The following CALN1 variants were observed in gnomAD, a reference collection of about 807,000 sequenced individuals.
The protein encoded by CALN1 is calneuron 1.
CALN1 carries 17 observed loss-of-function variants against 30.6 expected under a neutral mutation model. The observed-to-expected ratio is 0.56, with a 90% CI of 0.38 to 0.83. CALN1 has a LOEUF of 0.83. Ranked by LOEUF, CALN1 falls within the 40% of genes least tolerant of loss-of-function variation. The pLI, the probability that CALN1 is intolerant of heterozygous loss-of-function variation, is 0.00. For missense variants in CALN1, 291 were observed against 354.9 expected, an observed-to-expected ratio of 0.82 and a Z score of 1.45; for synonymous variants, 156 against 131.4, an observed-to-expected ratio of 1.19 and a Z score of -1.28.
intron 5 of CALN1, among the ~76,000 whole-genome samples, chr7:71,847,629 C>T (rs1232152730): frequency 2.7e-5 from 4 of 150,364 alleles, no homozygotes; most frequent in Admixed American, 1.3e-4. Context: ...TTGCAGTGAG[C>T]CAAGATTGCA....
intron 5 of CALN1, among the ~76,000 whole-genome samples, chr7:71,960,727 T>A (rs1322217072): frequency 6.6e-6 from 1 of 152,206 alleles, no homozygotes; most frequent in African/African-American, 2.4e-5. Context: ...AGATCTTTTT[T>A]AATAGTTATA....
At chr7:72,158,204 A>G (rs1011038063) in intron 3 of CALN1, among the ~76,000 whole-genome samples, 1 of 152,218 alleles carries the variant, frequency 6.6e-6, no homozygotes, top group Admixed American at 6.5e-5. Flanking sequence ...CATGTAGTTT[A>G]CATTATCATG....
chr7:72,486,295 T>C, the CALN1 span, among the ~76,000 whole-genome samples: 1 of 152,238 alleles, frequency 6.6e-6, no homozygotes, highest in Non-Finnish European at 1.5e-5. Context: ...TGTGACTTAA[T>C]GAACTTCTCA....
intron 3 of CALN1, among the ~76,000 whole-genome samples, chr7:72,277,327 C>T (rs550623515): frequency 7.9e-5 from 12 of 152,318 alleles, no homozygotes; most frequent in African/African-American, 2.9e-4. Context: ...CCTGTATGGG[C>T]TCACTTTGGA....
chr7:72,314,250 T>C (rs1460541085), intron 2 of CALN1, among the ~76,000 whole-genome samples: 3 of 152,116 alleles, frequency 2.0e-5, no homozygotes, highest in Non-Finnish European at 4.4e-5. Flanking sequence ...TTCCAGCACT[T>C]TCCCAGGGCA....
At chr7:72,232,547 G>A (rs765491247) in intron 3 of CALN1, among the ~76,000 whole-genome samples, 27 of 152,096 alleles carry the variant, frequency 1.8e-4, no homozygotes, top group Admixed American at 7.2e-4. Context: ...TACAACCTCC[G>A]CTTCCCAGGT....
chr7:72,152,121 G>A (rs1200782214), intron 3 of CALN1, among the ~76,000 whole-genome samples: 1 of 151,852 alleles, frequency 6.6e-6, no homozygotes, highest in Non-Finnish European at 1.5e-5. Flanking sequence ...GGCCAGGCTG[G>A]TCTTGAATGC....
At chr7:72,072,258 A>G (rs1804449650) in intron 4 of CALN1, among the ~76,000 whole-genome samples, 1 of 152,202 alleles carries the variant, frequency 6.6e-6, no homozygotes, top group Non-Finnish European at 1.5e-5. Context: ...GAAAATCTTG[A>G]AAGTGGTGAG....
At position 72,335,691 on chromosome 7, in the gene CALN1, C is replaced by T. The variant is rs1444025351; in HGVS notation, c.120-56881G>A. On this transcript the variant is annotated intron_variant, in intron 2 of 6. Coordinates refer to ENST00000395275, the MANE Select transcript of CALN1 (RefSeq NM_031468.4). ...TCACCCAGGAGCTACGGGCTTCGAC[C>T]CAAATGGAAGAAAGGCGCCTTCCTC... Among the ~76,000 whole-genome samples, 6 of 152,234 alleles carry T rather than the reference C, an allele frequency of 3.9e-5. No homozygotes were observed. In the East Asian group the frequency reaches 1.2e-3, roughly 29 times the overall value.
intron 5 of CALN1, among the ~76,000 whole-genome samples, chr7:72,021,013 G>A (rs1403475519): frequency 6.6e-6 from 1 of 152,136 alleles, no homozygotes; most frequent in Non-Finnish European, 1.5e-5. Flanking sequence ...GCTCACTCCT[G>A]TAAACTCAGC....
At chr7:72,444,163 T>G (rs997731250) in intron 1 of CALN1, among the ~76,000 whole-genome samples, 2 of 151,852 alleles carry the variant, frequency 1.3e-5, no homozygotes, top group African/African-American at 2.4e-5. Flanking sequence ...CCTCTTTCCA[T>G]TCAGAGCGGT....
At chr7:72,018,981 C>T (rs1436237129) in intron 5 of CALN1, among the ~76,000 whole-genome samples, 1 of 151,018 alleles carries the variant, frequency 6.6e-6, no homozygotes, top group Non-Finnish European at 1.5e-5. Context: ...GGATTACAGG[C>T]GATTACCACC....
intron 5 of CALN1, among the ~76,000 whole-genome samples, chr7:71,925,778 C>T (rs1246395449): frequency 1.3e-5 from 2 of 152,024 alleles, no homozygotes; most frequent in Non-Finnish European, 2.9e-5. Flanking sequence ...TGAGCTTTCT[C>T]GGTAGAGGGT....
the CALN1 span, among the ~76,000 whole-genome samples, chr7:72,483,875 A>G: frequency 3.3e-5 from 5 of 151,278 alleles, no homozygotes; most frequent in African/African-American, 1.2e-4. Flanking sequence ...TTTGTTATTA[A>G]CATTTTCCTG....
intron 5 of CALN1, among the ~76,000 whole-genome samples, chr7:71,849,283 C>T (rs914575591): frequency 7.2e-5 from 11 of 152,122 alleles, no homozygotes; most frequent in African/African-American, 1.9e-4. Context: ...ACAAGTTTCA[C>T]GCTAAATTCC....
chr7:72,205,563 T>TATATATATATAC (rs1562733688), intron 3 of CALN1, among the ~76,000 whole-genome samples: 1 of 109,692 alleles, frequency 9.1e-6, no homozygotes, highest in Non-Finnish European at 1.6e-5. Flanking sequence ...TATATATATA[T>TATATATATATAC]ATATGTATAT....
chr7:72,138,913 T>C (rs1161979153), intron 3 of CALN1, among the ~76,000 whole-genome samples: 2 of 152,128 alleles, frequency 1.3e-5, no homozygotes, highest in African/African-American at 4.8e-5. Flanking sequence ...ACACATTCAA[T>C]GAAAAACAAA....
chr7:72,069,257 C>A (rs763506082), intron 4 of CALN1, among the ~76,000 whole-genome samples: 1 of 152,176 alleles, frequency 6.6e-6, no homozygotes, highest in African/African-American at 2.4e-5. Flanking sequence ...CAGGCAGACA[C>A]CAACCTAATG....
intron 5 of CALN1, among the ~76,000 whole-genome samples, chr7:72,009,613 G>A (rs1799955920): frequency 6.6e-6 from 1 of 152,182 alleles, no homozygotes; most frequent in South Asian, 2.1e-4. Flanking sequence ...ATCTTGAATT[G>A]AAGCTCCCAT....
Sources: gnomAD v4.1 joint callset for allele counts (sites outside exome capture counted in the v4.1 genomes callset) on GRCh38, gnomAD v4.1.1 for gene constraint, MANE v1.5 for transcripts, NCBI Gene and HGNC (gene_info 2026-07-23, HGNC 2026-07-21) for gene names.